The following CSMD3 variants were observed in gnomAD, a reference collection of about 807,000 sequenced individuals.
CSMD3 encodes CUB and sushi domain-containing protein 3.
A neutral mutation model predicts 435.2 loss-of-function variants in CSMD3; 177 were observed. The ratio of observed to expected loss-of-function variants is 0.41; its 90% CI spans 0.36 to 0.46. The LOEUF (loss-of-function observed/expected upper bound fraction) is 0.46, where lower values mean the gene tolerates loss of function less well. CSMD3 is among the 20% of genes least tolerant of loss of function. The pLI is 0.34. For synonymous variants in CSMD3, 1,656 were observed against 1,520.5 expected (o/e 1.09, Z -2.07); for missense variants, 4,265 against 4,504.6 (o/e 0.95, Z 1.52).
chr8:112,317,447 C>G (rs557274747), intron 47 of CSMD3, among the ~76,000 whole-genome samples: 1 of 151,944 alleles, frequency 6.6e-6, no homozygotes, highest in Non-Finnish European at 1.5e-5. Flanking sequence ...TATCCTGTGT[C>G]TGCTCAACTT....
intron 1 of CSMD3, among the ~76,000 whole-genome samples, chr8:113,358,527 A>G (rs1188913259): frequency 2.6e-5 from 4 of 152,106 alleles, no homozygotes; most frequent in Admixed American, 6.5e-5. Flanking sequence ...TAATTTTTGT[A>G]TATTTAGTAC....
intron 9 of CSMD3, among the ~76,000 whole-genome samples, chr8:112,926,915 T>A (rs1197009360): frequency 6.6e-6 from 1 of 152,104 alleles, no homozygotes; most frequent in African/African-American, 2.4e-5. Flanking sequence ...GATGCAGAAA[T>A]TTAACCCTAA....
chr8:113,012,762 G>A (rs764660200), intron 6 of CSMD3, among the ~76,000 whole-genome samples: 88 of 152,076 alleles, frequency 5.8e-4, no homozygotes, highest in Non-Finnish European at 9.9e-4. Context: ...TCATAGCAGT[G>A]TGGGAGCAGA....
intron 4 of CSMD3, among the ~76,000 whole-genome samples, chr8:113,166,361 T>G (rs1227556703): frequency 6.6e-6 from 1 of 151,918 alleles, no homozygotes; most frequent in African/African-American, 2.4e-5. Flanking sequence ...AACAATTAGC[T>G]TGATGTGGTG....
chr8:113,399,445 A>G (rs1245239329), intron 1 of CSMD3, among the ~76,000 whole-genome samples: 1 of 151,968 alleles, frequency 6.6e-6, no homozygotes, highest in East Asian at 1.9e-4. Context: ...CAAATGTCTA[A>G]ATAAATGTTA....
rs373700251 is a variant in CSMD3 at position 113,317,091 on chromosome 8, T to C, written c.179-2298A>G. On this transcript the variant is annotated intron_variant, in intron 1 of 70. Transcript: ENST00000297405. ...AAATTGACCAGGAAGTTGGATCAGGTAGAAGAGGTTTAAAAAAAATCAATA... is the reference window on the plus strand; with the variant it reads ...AAATTGACCAGGAAGTTGGATCAGGCAGAAGAGGTTTAAAAAAAATCAATA... 2.1e-3 allele frequency among the ~76,000 whole-genome samples: 327 copies of C among 152,310 alleles called. 2 individuals carry two copies. The highest frequency in any genetic ancestry group is 0.019 in the South Asian group (92 of 4,830).
rs200448155 is a variant in CSMD3 at position 112,623,250 on chromosome 8, G to C, written c.3715+13567C>G. ...AGCCACTTAAGCCCAAAACAGATTT[G>C]TAGACACATCAGTTTTACCTGTTTT... On this transcript the variant is annotated intron_variant, in intron 22 of 70. Coordinates refer to ENST00000297405, the MANE Select transcript of CSMD3 (RefSeq NM_198123.2). 5.9e-5 allele frequency among the ~76,000 whole-genome samples: 9 copies of C among 152,236 alleles called. No individual in the cohort carries two copies. In the East Asian group the frequency reaches 1.7e-3, roughly 29 times the overall value.
At chr8:113,224,931 C>T (rs1234287070) in intron 3 of CSMD3, among the ~76,000 whole-genome samples, 1 of 151,200 alleles carries the variant, frequency 6.6e-6, no homozygotes, top group East Asian at 1.9e-4. Context: ...TGTGCAATTA[C>T]TAAAAATTTA....
chr8:113,276,755 A>G (rs2093573975), intron 3 of CSMD3, among the ~76,000 whole-genome samples: 1 of 152,082 alleles, frequency 6.6e-6, no homozygotes, highest in South Asian at 2.1e-4. Context: ...TGCATTGAAC[A>G]AGATACTGTG....
intron 30 of CSMD3, among the ~76,000 whole-genome samples, chr8:112,497,525 T>A (rs2130884155): frequency 6.7e-6 from 1 of 150,074 alleles, no homozygotes; most frequent in Admixed American, 6.7e-5. Context: ...CCTGTAAAAA[T>A]TAAAAATTTT....
At chr8:112,933,964 A>G (rs2130724850) in intron 9 of CSMD3, among the ~76,000 whole-genome samples, 1 of 152,280 alleles carries the variant, frequency 6.6e-6, no homozygotes, top group Non-Finnish European at 1.5e-5. Flanking sequence ...ACAACCTTTT[A>G]TGAGTCACTG....
chr8:112,731,552 A>G (rs1051587786), intron 13 of CSMD3, among the ~76,000 whole-genome samples: 4 of 151,982 alleles, frequency 2.6e-5, no homozygotes, highest in South Asian at 2.1e-4. Flanking sequence ...ACATTTTTGT[A>G]TTTTCTTACT....
intron 17 of CSMD3, among the ~76,000 whole-genome samples, chr8:112,656,908 T>G (rs2075271006): frequency 6.6e-6 from 1 of 152,114 alleles, no homozygotes; most frequent in Non-Finnish European, 1.5e-5. Flanking sequence ...TGATGATACA[T>G]TTGATGTTTA....
chr8:112,887,899 A>G (rs1238042452), intron 10 of CSMD3, among the ~76,000 whole-genome samples: 1 of 151,722 alleles, frequency 6.6e-6, no homozygotes, highest in African/African-American at 2.4e-5. Context: ...CCTATTAGTC[A>G]GTGAAAAATG....
chr8:112,622,692 G>A (rs1266703426), intron 22 of CSMD3, among the ~76,000 whole-genome samples: 1 of 152,098 alleles, frequency 6.6e-6, no homozygotes, highest in Non-Finnish European at 1.5e-5. Flanking sequence ...AACGCAATGA[G>A]TATTGCGTTA....
At chr8:112,772,957 G>C (rs142624683) in intron 13 of CSMD3, among the ~76,000 whole-genome samples, 1 of 151,940 alleles carries the variant, frequency 6.6e-6, no homozygotes, top group Non-Finnish European at 1.5e-5. Context: ...GGAAACGCCC[G>C]ATAATGATCA....
At chr8:112,853,405 T>C (rs949108693) in intron 11 of CSMD3, among the ~76,000 whole-genome samples, 9 of 152,248 alleles carry the variant, frequency 5.9e-5, no homozygotes, top group Admixed American at 3.3e-4. Flanking sequence ...TTTGTATTTT[T>C]AGTAGAGACA....
chr8:112,373,777 G>A (rs1419974468), intron 38 of CSMD3, among the ~76,000 whole-genome samples: 1 of 152,148 alleles, frequency 6.6e-6, no homozygotes, highest in East Asian at 1.9e-4. Context: ...AAGCAAAATA[G>A]ATTATTGGGC....
intron 5 of CSMD3, among the ~76,000 whole-genome samples, chr8:113,025,748 G>A (rs2086852468): frequency 6.6e-6 from 1 of 152,136 alleles, no homozygotes; most frequent in South Asian, 2.1e-4. Context: ...CATCTCTGTG[G>A]TGATTTTCTG....
Sources: gnomAD v4.1 joint callset for allele counts (sites outside exome capture counted in the v4.1 genomes callset) on GRCh38, gnomAD v4.1.1 for gene constraint, MANE v1.5 for transcripts, NCBI Gene and HGNC (gene_info 2026-07-23, HGNC 2026-07-21) for gene names.